The following ANXA13 variants were observed in gnomAD, a reference collection of about 807,000 sequenced individuals.
ANXA13 encodes the protein annexin XIII.
In ANXA13, 36 loss-of-function variants were observed where a neutral mutation model predicts 46.6. The ratio of observed to expected loss-of-function variants is 0.77; its 90% confidence interval spans 0.59 to 1.02. The LOEUF is 1.02. Ranked by LOEUF, ANXA13 falls within the 50% of genes least tolerant of loss-of-function variation. ANXA13 has a pLI of 0.00. For synonymous variants in ANXA13, 163 were observed against 152.9 expected, an observed-to-expected ratio of 1.07 and a Z score of -0.49; for missense variants, 417 against 396.5, an observed-to-expected ratio of 1.05 and a Z score of -0.44.
intron 1 of ANXA13, among the ~76,000 whole-genome samples, chr8:123,715,702 C>A (rs1563615554): frequency 6.6e-6 from 1 of 152,226 alleles, no homozygotes; most frequent in Non-Finnish European, 1.5e-5. Flanking sequence ...TCAAGGGTCA[C>A]CTTTTTCTCA....
chr8:123,697,617 A>C (rs7386945), intron 4 of ANXA13, among the ~76,000 whole-genome samples: 135,600 of 152,214 alleles, frequency 0.89, 60,882 homozygotes, highest in African/African-American at 0.97. Context: ...CTGCTCCAAC[A>C]TCTGCTTCTA....
At chr8:123,718,602 CA>C (rs779293549) in intron 1 of ANXA13, among the ~76,000 whole-genome samples, 3 of 152,336 alleles carry the variant, frequency 2.0e-5, no homozygotes, top group Non-Finnish European at 2.9e-5. Context: ...GGTGCATGAA[CA>C]AGGCAGCACT....
At chr8:123,688,007 A>G (rs1446719028) in intron 9 of ANXA13, among the ~76,000 whole-genome samples, 1 of 152,212 alleles carries the variant, frequency 6.6e-6, no homozygotes, top group African/African-American at 2.4e-5. Flanking sequence ...CCAAATGGAA[A>G]AGGAAACCTG....
chr8:123,707,271 G>T (rs1813556328), intron 2 of ANXA13, among the ~76,000 whole-genome samples: 1 of 152,182 alleles, frequency 6.6e-6, no homozygotes, highest in African/African-American at 2.4e-5. Flanking sequence ...AGTGGTTTAA[G>T]TTGTATGTGA....
intron 4 of ANXA13, 71 bp from the exon 5 acceptor site, chr8:123,695,792 G>A: frequency 7.5e-7 from 1 of 1,341,694 alleles, no homozygotes; most frequent in East Asian, 2.3e-5. Flanking sequence ...ACAGAGAGAA[G>A]AGGCGGGAGA....
rs149139217 is a variant in ANXA13, at chr8:123,689,426, C to T, written c.643-480G>A. Among the ~76,000 whole-genome samples, 6 of 151,896 alleles carry T rather than the reference C, an allele frequency of 4.0e-5. No individual in the cohort carries two copies. In the East Asian group the frequency reaches 1.2e-3, roughly 29 times the overall value. Reference sequence around the variant, plus strand: ...CTCCATCCTCTCCCTTGTCTTGGGACCAGGGACTTAGTCACAGTTTGAGTG... The same window carrying T: ...CTCCATCCTCTCCCTTGTCTTGGGATCAGGGACTTAGTCACAGTTTGAGTG... On this transcript the variant is annotated intron_variant, in intron 8 of 10. Transcript: ENST00000419625.
At chr8:123,695,277 A>G (rs1233449812) in intron 6 of ANXA13, among the ~76,000 whole-genome samples, 1 of 152,162 alleles carries the variant, frequency 6.6e-6, no homozygotes, top group Non-Finnish European at 1.5e-5. Context: ...ACAAAAAGTG[A>G]TTGTAAACTG....
Position 123,712,669 on chromosome 8 carries a change from C to A in ANXA13, c.91+9G>T. On this transcript the variant is annotated intron_variant, in intron 2 of 10. Coordinates refer to ENST00000419625, the MANE Select transcript of ANXA13 (RefSeq NM_004306.4). ...CAGAAGCAAATTAGCAACAAAATAT[C>A]TCTCATACCCATTCCTTTGCAGGCT... The A allele has an allele frequency of 6.2e-7, 1 of 1,613,730 alleles. No individual in the cohort carries two copies. Among genetic ancestry groups the A allele is most frequent in the South Asian group, 1.1e-5 (1 of 91,078 alleles).
At chr8:123,688,249 G>A (rs1813174386) in intron 9 of ANXA13, among the ~76,000 whole-genome samples, 3 of 152,126 alleles carry the variant, frequency 2.0e-5, no homozygotes, top group Admixed American at 2.0e-4. Context: ...TAAGTTTCAC[G>A]AGATTTGATG....
At chr8:123,695,311 T>C (rs1586317006) in intron 6 of ANXA13, among the ~76,000 whole-genome samples, 191 bp downstream of exon 6, 3 of 152,340 alleles carry the variant, frequency 2.0e-5, no homozygotes, top group East Asian at 3.9e-4. Context: ...AGATTGTTTA[T>C]ATGGAAGTAA....
Position 123,702,651 on chromosome 8 carries a change from C to A in ANXA13, c.177G>T (p.Thr59=). The A allele has an allele frequency of 6.2e-7, 1 of 1,613,958 alleles. No individual in the cohort carries two copies. Among genetic ancestry groups the A allele is most frequent in the African/African-American group, 1.3e-5 (1 of 75,014 alleles). The change falls in exon 3 of 11, where the codon ACG becomes ACT. Residue 59 remains threonine (T), a synonymous_variant. Transcript: ENST00000419625. Reference sequence around the variant, plus strand: ...CCACCCCTGGAATCACCTTGCCGTACGTTGCCTTGTACTTTTGCTTGATTT... The same window carrying A: ...CCACCCCTGGAATCACCTTGCCGTAAGTTGCCTTGTACTTTTGCTTGATTT... ...RQQIKQKYKA[T]YGKELEEVLK... is the part of the protein sequence containing the mutation.
intron 1 of ANXA13, among the ~76,000 whole-genome samples, chr8:123,736,941 C>A (rs1225264545): frequency 1.3e-5 from 2 of 151,262 alleles, no homozygotes; most frequent in African/African-American, 4.9e-5. Context: ...CTCCGCCTCC[C>A]AGGTTCAAAT....
At chr8:123,720,184 C>G (rs4595110) in intron 1 of ANXA13, among the ~76,000 whole-genome samples, 47,816 of 152,036 alleles carry the variant, frequency 0.31, 8,260 homozygotes, top group South Asian at 0.43. Context: ...CAGGAGGGGC[C>G]CCCGGGAAGA....
intron 1 of ANXA13, among the ~76,000 whole-genome samples, chr8:123,720,858 C>T (rs1028371491): frequency 1.3e-5 from 2 of 152,158 alleles, no homozygotes; most frequent in Non-Finnish European, 2.9e-5. Flanking sequence ...GTCTTGGCCT[C>T]CATAAGTATT....
In ANXA13 at chr8:123,681,205, G is replaced by A. The variant is rs754700849; in HGVS notation, c.*35C>T. On this transcript the variant is annotated 3_prime_UTR_variant, in exon 11 of 11. Transcript: ENST00000419625. ...TTTGGAATGTGCTCTTGACAAAGGC[G>A]GTTCCACCCTGTGTTCCTATTGCCC... The A allele has an allele frequency of 1.3e-6, 2 of 1,568,528 alleles. No individual in the cohort carries two copies. The highest frequency in any genetic ancestry group is 2.3e-5 in the East Asian group (1 of 44,054).
At chr8:123,693,575 T>G in intron 7 of ANXA13, 136 bp downstream of exon 7, 2 of 769,966 alleles carry the variant, frequency 2.6e-6, no homozygotes, top group Non-Finnish European at 4.2e-6. Flanking sequence ...ATATATATGA[T>G]CTAGAAAGAT....
chr8:123,684,460 A>G (rs554716783), intron 10 of ANXA13, 150 bp downstream of exon 10: 40 of 617,378 alleles, frequency 6.5e-5, no homozygotes, highest in Non-Finnish European at 1.1e-4. Context: ...GCAGAGCACA[A>G]TGTCTTCTGC....
At chr8:123,730,048 T>C (rs1202644939) in intron 1 of ANXA13, among the ~76,000 whole-genome samples, 1 of 152,180 alleles carries the variant, frequency 6.6e-6, no homozygotes, top group East Asian at 1.9e-4. Context: ...TAGCAAGTTA[T>C]GTTCGTTTGA....
chr8:123,713,344 C>T (rs542359294), intron 1 of ANXA13, among the ~76,000 whole-genome samples: 7 of 152,218 alleles, frequency 4.6e-5, no homozygotes, highest in Non-Finnish European at 1.0e-4. Context: ...TCCCATACTT[C>T]AGTCATTGGC....
Sources: gnomAD v4.1 joint callset for allele counts (sites outside exome capture counted in the v4.1 genomes callset) on GRCh38, gnomAD v4.1.1 for gene constraint, MANE v1.5 for transcripts, NCBI Gene and HGNC (gene_info 2026-07-23, HGNC 2026-07-21) for gene names.